CALN1: variants seen among roughly 807,000 people sequenced by gnomAD.
The protein encoded by CALN1 is calcium-binding protein 8.
A neutral mutation model predicts 30.6 loss-of-function variants in CALN1; 17 were observed. The ratio of observed to expected loss-of-function variants is 0.56; its 90% CI spans 0.38 to 0.83. The LOEUF is 0.83. CALN1 is among the 40% of genes least tolerant of loss of function. The pLI is 0.00. For missense variants in CALN1, 291 were observed against 354.9 expected (o/e 0.82, Z 1.45); for synonymous variants, 156 against 131.4 (o/e 1.19, Z -1.28).
At chr7:72,361,155 T>G (rs577775202) in intron 2 of CALN1, among the ~76,000 whole-genome samples, 6 of 152,290 alleles carry the variant, frequency 3.9e-5, no homozygotes, top group Non-Finnish European at 8.8e-5. Flanking sequence ...AGGTTATTCA[T>G]GCACAAATCA....
At chr7:72,362,918 C>T (rs992927597) in intron 2 of CALN1, among the ~76,000 whole-genome samples, 4 of 152,304 alleles carry the variant, frequency 2.6e-5, no homozygotes, top group African/African-American at 7.2e-5. Flanking sequence ...ATCCTGGTTC[C>T]GTGTTTGCCC....
chr7:72,388,114 TA>T (rs1585635821), intron 2 of CALN1, among the ~76,000 whole-genome samples: 2 of 152,186 alleles, frequency 1.3e-5, no homozygotes, highest in East Asian at 3.8e-4. Flanking sequence ...AAGGACTTTT[TA>T]AAATGTTCTT....
At chr7:71,937,450 T>C (rs1461814558) in intron 5 of CALN1, among the ~76,000 whole-genome samples, 1 of 151,560 alleles carries the variant, frequency 6.6e-6, no homozygotes, top group African/African-American at 2.4e-5. Flanking sequence ...ACATCTAATA[T>C]ATATATATAT....
chr7:72,146,515 T>C (rs1484223187), intron 3 of CALN1, among the ~76,000 whole-genome samples: 1 of 152,172 alleles, frequency 6.6e-6, no homozygotes, highest in Non-Finnish European at 1.5e-5. Flanking sequence ...ATAGGAAGAA[T>C]CAATATCGTG....
At chr7:71,827,771 T>TAAAAAAAAAAA (rs1554347602) in intron 5 of CALN1, among the ~76,000 whole-genome samples, 14 of 96,832 alleles carry the variant, frequency 1.4e-4, no homozygotes, top group African/African-American at 4.4e-4. Context: ...GACTCCATCT[T>TAAAAAAAAAAA]AAAAAAATAA....
chr7:72,429,659 T>TATTCTATATATAGA (rs1305284681), intron 1 of CALN1, among the ~76,000 whole-genome samples: 14 of 150,774 alleles, frequency 9.3e-5, no homozygotes, highest in Admixed American at 8.0e-4. Flanking sequence ...ACATTCTTCA[T>TATTCTATATATAGA]GATTTAACTC....
the CALN1 span, among the ~76,000 whole-genome samples, chr7:72,468,744 A>G: frequency 1.3e-5 from 2 of 152,144 alleles, no homozygotes; most frequent in South Asian, 4.1e-4. Flanking sequence ...TTTTTTTAAG[A>G]GCCATCATAG....
intron 3 of CALN1, among the ~76,000 whole-genome samples, chr7:72,147,040 T>C (rs1177078352): frequency 2.0e-5 from 3 of 152,266 alleles, no homozygotes; most frequent in East Asian, 3.9e-4. Context: ...GGCAATACCA[T>C]TCAGGACATA....
intron 4 of CALN1, among the ~76,000 whole-genome samples, chr7:72,046,178 G>T (rs844775): frequency 0.64 from 96,870 of 151,530 alleles, 31,320 homozygotes; most frequent in East Asian, 0.76. Flanking sequence ...CTGGGCATGG[G>T]GGTACATGCC....
chr7:71,959,843 GCA>G (rs1475840714), intron 5 of CALN1, among the ~76,000 whole-genome samples: 5 of 152,090 alleles, frequency 3.3e-5, no homozygotes, highest in South Asian at 2.1e-4. Flanking sequence ...TTTTAAAAAT[GCA>G]TATTTAGGCC....
In CALN1 at chr7:71,799,179, T is replaced by C. The variant is rs767065205; in HGVS notation, c.658+11157A>G. On this transcript the variant is annotated intron_variant, in intron 6 of 6. Transcript: ENST00000395275. ...CAGTGCTTACTAATATGTTGAGTTT[T>C]GTACTGAATATTGTCATGGATGATG... Among the ~76,000 whole-genome samples the C allele has an allele frequency of 2.6e-5, 4 of 152,328 alleles. No individual in the cohort carries two copies. The South Asian group carries it at 8.3e-4, about 32-fold the overall frequency.
intron 3 of CALN1, among the ~76,000 whole-genome samples, chr7:72,119,507 T>G (rs1298945927): frequency 1.4e-5 from 2 of 139,986 alleles, no homozygotes; most frequent in East Asian, 6.7e-4. Context: ...CATTATATGG[T>G]AAAAGAAAGG....
intron 5 of CALN1, among the ~76,000 whole-genome samples, chr7:72,011,752 C>T (rs1274701395): frequency 6.6e-6 from 1 of 152,158 alleles, no homozygotes; most frequent in Non-Finnish European, 1.5e-5. Flanking sequence ...CCTAGTGATC[C>T]TCCCACCTCA....
upstream of CALN1, among the ~76,000 whole-genome samples, chr7:72,449,655 G>A (rs1360566117): frequency 2.0e-5 from 3 of 151,942 alleles, no homozygotes; most frequent in African/African-American, 4.8e-5. Context: ...GGAGGATCAC[G>A]AGGTCAGGAG....
Position 72,209,446 on chromosome 7 carries a change from T to C in CALN1, c.244+69240A>G, listed in dbSNP as rs111970598. Reference sequence around the variant, plus strand: ...TTTCCTTCCCTCCTTCCCTCCTTCCTTCCTTACATCCTTTCTTCCTCCCTT... The same window carrying C: ...TTTCCTTCCCTCCTTCCCTCCTTCCCTCCTTACATCCTTTCTTCCTCCCTT... On this transcript the variant is annotated intron_variant, in intron 3 of 6. Coordinates refer to ENST00000395275, the MANE Select transcript of CALN1 (RefSeq NM_031468.4). Among the ~76,000 whole-genome samples, 1,072 of 119,484 alleles carry C rather than the reference T, an allele frequency of 9.0e-3. 127 individuals carry two copies. Among genetic ancestry groups the C allele is most frequent in the African/African-American group, 0.048 (1,008 of 20,848 alleles). The allele number at this position is 119,484 out of a possible 152,430, so 78.4% of individuals were successfully genotyped here. A position where few individuals can be genotyped will look rare whatever the true frequency, so the allele number is the denominator to read the frequency against.
At chr7:72,139,181 C>T (rs935132014) in intron 3 of CALN1, among the ~76,000 whole-genome samples, 12 of 152,186 alleles carry the variant, frequency 7.9e-5, no homozygotes, top group African/African-American at 2.2e-4. Context: ...CATGGGCATC[C>T]GGCAAGGTCA....
At chr7:72,056,498 G>A (rs1232814507) in intron 4 of CALN1, among the ~76,000 whole-genome samples, 1 of 152,056 alleles carries the variant, frequency 6.6e-6, no homozygotes, top group East Asian at 1.9e-4. Flanking sequence ...AGGAAAAATC[G>A]ATTTTATTCC....
At chr7:72,408,862 G>C (rs2129562839) in intron 1 of CALN1, among the ~76,000 whole-genome samples, 1 of 151,670 alleles carries the variant, frequency 6.6e-6, no homozygotes, top group South Asian at 2.1e-4. Context: ...ATTTTTTGTA[G>C]AGATGCAGTT....
At chr7:72,110,915 C>G (rs1478116461) in intron 3 of CALN1, among the ~76,000 whole-genome samples, 1 of 152,116 alleles carries the variant, frequency 6.6e-6, no homozygotes, top group African/African-American at 2.4e-5. Context: ...ATCCCTCTGG[C>G]TCTAGGAGGA....
Sources: allele counts gnomAD v4.1 joint callset (sites outside exome capture counted in the v4.1 genomes callset), GRCh38; gene constraint gnomAD v4.1.1; transcripts MANE v1.5; gene names NCBI Gene and HGNC (gene_info 2026-07-23, HGNC 2026-07-21).